RAP1GDS1: variants seen among roughly 807,000 people sequenced by gnomAD.
RAP1GDS1 encodes Rap1 GTPase-GDP dissociation stimulator 1.
Under a neutral mutation model 71.1 loss-of-function variants are expected in RAP1GDS1, and 35 were observed. That is an observed-to-expected ratio of 0.49 (90% CI 0.38 to 0.65). The LOEUF is 0.65. Among genes scored for constraint, RAP1GDS1 ranks in the 30% least tolerant of loss-of-function variants. The pLI is 0.00. For missense variants in RAP1GDS1, 663 were observed against 706.1 expected, an observed-to-expected ratio of 0.94 and a Z score of 0.69; for synonymous variants, 229 against 243.1, an observed-to-expected ratio of 0.94 and a Z score of 0.54.
chr4:98,308,170 G>GTGTA, intron 2 of RAP1GDS1, among the ~76,000 whole-genome samples: 1 of 150,694 alleles, frequency 6.6e-6, no homozygotes, highest in Non-Finnish European at 1.5e-5. Context: ...GTGTGTGTGT[G>GTGTA]TGTATGTATG....
intron 3 of RAP1GDS1, among the ~76,000 whole-genome samples, chr4:98,347,990 A>G (rs1321802272): frequency 6.6e-6 from 1 of 152,070 alleles, no homozygotes; most frequent in Admixed American, 6.5e-5. Context: ...TTATTCTTTA[A>G]GTTCTAGGGT....
intron 1 of RAP1GDS1, among the ~76,000 whole-genome samples, chr4:98,279,515 C>G (rs1165868290): frequency 1.4e-5 from 2 of 147,922 alleles, no homozygotes; most frequent in African/African-American, 5.0e-5. Context: ...TTTTTGTGAC[C>G]CAGAATAATT....
intron 5 of RAP1GDS1, among the ~76,000 whole-genome samples, chr4:98,389,870 TATTCCTCTG>T (rs1288312936): frequency 1.3e-5 from 2 of 152,186 alleles, no homozygotes; most frequent in Non-Finnish European, 2.9e-5. Flanking sequence ...TAAAATGTGT[TATTCCTCTG>T]ATGTCCCTGG....
intron 2 of RAP1GDS1, among the ~76,000 whole-genome samples, chr4:98,313,524 C>G (rs1392833596): frequency 6.6e-6 from 1 of 152,036 alleles, no homozygotes; most frequent in Admixed American, 6.6e-5. Context: ...TGAGGAATAC[C>G]TTAGCATTAG....
chr4:98,410,917 A>T (rs568112524), intron 7 of RAP1GDS1, among the ~76,000 whole-genome samples: 3 of 152,344 alleles, frequency 2.0e-5, no homozygotes, highest in African/African-American at 7.2e-5. Flanking sequence ...TATCAGAAAC[A>T]GAAATGCAGA....
intron 1 of RAP1GDS1, among the ~76,000 whole-genome samples, chr4:98,288,013 A>G (rs1370028711): frequency 6.6e-6 from 1 of 152,050 alleles, no homozygotes; most frequent in Non-Finnish European, 1.5e-5. Flanking sequence ...TACTTTTTCT[A>G]AGCTCTCAGT....
Position 98,286,228 on chromosome 4 carries a change from G to A in RAP1GDS1, c.5-7180G>A, listed in dbSNP as rs151111298. Among the ~76,000 whole-genome samples, 196 of 150,656 alleles carry A rather than the reference G, an allele frequency of 1.3e-3. 2 individuals are homozygous for A. Among genetic ancestry groups the A allele is most frequent in the African/African-American group, 3.7e-3 (151 of 40,936 alleles). On this transcript the variant is annotated intron_variant, in intron 1 of 14. Transcript: ENST00000408927. ...TGCAGTGAGCCATTATTGTGCCACT[G>A]CACTCCAGCCTGGGTTACAGAGTGA...
intron 4 of RAP1GDS1, among the ~76,000 whole-genome samples, chr4:98,356,493 A>G (rs902138334): frequency 6.6e-6 from 1 of 152,058 alleles, no homozygotes; most frequent in African/African-American, 2.4e-5. Flanking sequence ...TTACTGCCTG[A>G]GGTCAGAAAA....
At chr4:98,392,785 T>C (rs1050908390) in intron 6 of RAP1GDS1, among the ~76,000 whole-genome samples, 2 of 152,238 alleles carry the variant, frequency 1.3e-5, no homozygotes, top group African/African-American at 4.8e-5. Flanking sequence ...CTAAGGTTCT[T>C]CATCCTCTTT....
intron 1 of RAP1GDS1, among the ~76,000 whole-genome samples, chr4:98,269,083 A>G (rs566208408): frequency 2.7e-5 from 4 of 148,262 alleles, no homozygotes; most frequent in South Asian, 4.5e-4. Flanking sequence ...TCAAAACAGT[A>G]TGGTACTGGC....
chr4:98,340,146 A>G (rs1420763137), intron 2 of RAP1GDS1, among the ~76,000 whole-genome samples: 1 of 152,238 alleles, frequency 6.6e-6, no homozygotes. Context: ...TTAAAACAGA[A>G]CTACCATTCT....
At position 98,310,403 on chromosome 4, in the gene RAP1GDS1, G is replaced by A. The variant is rs375892829; in HGVS notation, c.112+16888G>A. On this transcript the variant is annotated intron_variant, in intron 2 of 14. Coordinates refer to ENST00000408927, the MANE Select transcript of RAP1GDS1 (RefSeq NM_001100427.2). ...ATGAGGTATGTTCAGTACCTAGTGG[G>A]ACTACATATTTACTGACCTTAAAGT... 1.4e-4 allele frequency among the ~76,000 whole-genome samples: 21 copies of A among 152,150 alleles called. No homozygotes were observed. The South Asian group carries it at 3.9e-3, about 29-fold the overall frequency.
intron 2 of RAP1GDS1, among the ~76,000 whole-genome samples, chr4:98,334,753 C>T (rs1294246622): frequency 6.6e-6 from 1 of 151,854 alleles, no homozygotes; most frequent in African/African-American, 2.4e-5. Context: ...ATTTACATTT[C>T]CAAAAGATAC....
intron 2 of RAP1GDS1, among the ~76,000 whole-genome samples, chr4:98,325,225 T>C (rs1444558593): frequency 6.6e-6 from 1 of 151,064 alleles, no homozygotes; most frequent in Non-Finnish European, 1.5e-5. Context: ...CTATGAGATA[T>C]CATCTCACAC....
chr4:98,305,333 T>C (rs7692963), intron 2 of RAP1GDS1, among the ~76,000 whole-genome samples: 22,381 of 152,078 alleles, frequency 0.15, 2,448 homozygotes, highest in African/African-American at 0.3. Context: ...TGTTTATGTC[T>C]TCTCTGATTT....
intron 7 of RAP1GDS1, among the ~76,000 whole-genome samples, chr4:98,416,471 T>C (rs1440180996): frequency 1.3e-5 from 2 of 148,556 alleles, no homozygotes; most frequent in Non-Finnish European, 3.0e-5. Context: ...CTCAGCCTCC[T>C]GAGTAGCTGT....
At chr4:98,264,829 A>G (rs72892346) in intron 1 of RAP1GDS1, among the ~76,000 whole-genome samples, 2,967 of 152,296 alleles carry the variant, frequency 0.019, 106 homozygotes, top group African/African-American at 0.068. Flanking sequence ...TTGGAAGAGA[A>G]ATGACATAAA....
At chr4:98,399,989 C>CA (rs1745135361) in intron 6 of RAP1GDS1, among the ~76,000 whole-genome samples, 1 of 151,924 alleles carries the variant, frequency 6.6e-6, no homozygotes, top group Non-Finnish European at 1.5e-5. Context: ...ACCATCTCTG[C>CA]AAAAAATTTA....
intron 5 of RAP1GDS1, among the ~76,000 whole-genome samples, chr4:98,386,814 C>G (rs1742837817): frequency 6.6e-6 from 1 of 151,908 alleles, no homozygotes; most frequent in African/African-American, 2.4e-5. Context: ...TCTTGGTAGC[C>G]ATATTTAAGT....
Sources: allele counts gnomAD v4.1 joint callset (sites outside exome capture counted in the v4.1 genomes callset), GRCh38; gene constraint gnomAD v4.1.1; transcripts MANE v1.5; gene names NCBI Gene and HGNC (gene_info 2026-07-23, HGNC 2026-07-21).